Variants in FOXP2 observed in about 807,000 individuals in gnomAD.
The protein encoded by FOXP2 is forkhead box P2.
Under a neutral mutation model 115.8 loss-of-function variants are expected in FOXP2, and 12 were observed. The observed-to-expected ratio is 0.10, with a 90% CI of 0.07 to 0.17. The LOEUF is 0.17. Ranked by LOEUF, FOXP2 falls within the 10% of genes least tolerant of loss-of-function variation. The pLI is 1.00. For missense variants in FOXP2, 629 were observed against 843.5 expected (o/e 0.75, Z 3.15); for synonymous variants, 328 against 297.7 (o/e 1.10, Z -1.05).
chr7:114,655,498 A>G (rs888765799), intron 10 of FOXP2, among the ~76,000 whole-genome samples: 5 of 152,230 alleles, frequency 3.3e-5, no homozygotes, highest in Non-Finnish European at 7.4e-5. Context: ...ATGAAACCAC[A>G]GTTTAAAGTT....
At chr7:114,456,013 C>T (rs942949214) in intron 2 of FOXP2, among the ~76,000 whole-genome samples, 2 of 152,184 alleles carry the variant, frequency 1.3e-5, no homozygotes, top group African/African-American at 4.8e-5. Context: ...CTTAGTCATC[C>T]TTCAATGCAC....
chr7:114,629,948 GCAGCAGCAGCAA>G lies in FOXP2; in HGVS notation c.552_563del (p.Gln188_Gln191del), dbSNP rs1185806750. 5 of 1,607,410 alleles carry G rather than the reference GCAGCAGCAGCAA, an allele frequency of 3.1e-6. No homozygotes were observed. Among genetic ancestry groups the G allele is most frequent in the Non-Finnish European group, 4.2e-6 (5 of 1,177,928 alleles). On this transcript the variant is annotated inframe_deletion, in exon 5 of 17. Coordinates refer to ENST00000350908, the MANE Select transcript of FOXP2 (RefSeq NM_014491.4). The stretch of plus-strand genomic sequence containing the variant: ...AACAACAACAGCAGCAACAACAGCA[GCAGCAGCAGCAA>G]CAGCAGCAGCAGCAGCAACAGCATC...
chr7:114,526,377 C>T lies in FOXP2; in HGVS notation c.169-8240C>T, dbSNP rs1423094356. 1.8e-4 allele frequency among the ~76,000 whole-genome samples: 26 copies of T among 145,900 alleles called. No individual in the cohort carries two copies. In the East Asian group the frequency reaches 4.4e-3, roughly 25 times the overall value. On this transcript the variant is annotated intron_variant, in intron 2 of 16. Coordinates refer to ENST00000350908, the MANE Select transcript of FOXP2 (RefSeq NM_014491.4). ...CTGTAATCCCAGATACTCGGGAGGC[C>T]GAGGCAGGAGAATCACTTGAACCCA...
chr7:114,395,643 T>G (rs898170649), intron 2 of FOXP2, among the ~76,000 whole-genome samples: 4 of 152,132 alleles, frequency 2.6e-5, no homozygotes, highest in Non-Finnish European at 5.9e-5. Flanking sequence ...ATATTATTAC[T>G]AGTTTAACTT....
chr7:114,622,536 G>A (rs1162097860), intron 3 of FOXP2, among the ~76,000 whole-genome samples: 1 of 151,826 alleles, frequency 6.6e-6, no homozygotes, highest in Non-Finnish European at 1.5e-5. Flanking sequence ...GGAATGAATG[G>A]GCTAGTGTCT....
chr7:114,489,161 A>G (rs927233012), intron 2 of FOXP2, among the ~76,000 whole-genome samples: 2 of 152,154 alleles, frequency 1.3e-5, no homozygotes, highest in African/African-American at 2.4e-5. Flanking sequence ...CTATGATAAC[A>G]CCACATTTTT....
rs149123596 is a variant in FOXP2, at chr7:114,599,669, A to G, written c.259-28871A>G. Among the ~76,000 whole-genome samples, 588 of 152,280 alleles carry G rather than the reference A, an allele frequency of 3.9e-3. 6 individuals carry two copies. Among genetic ancestry groups the G allele is most frequent in the Middle Eastern group, 0.02 (6 of 294 alleles). On this transcript the variant is annotated intron_variant, in intron 3 of 16. Transcript: ENST00000350908. ...TTGGTTTTACAGTCCAAGAACAGGC[A>G]AACAAGTCCATCTTGCGTGTATCTG...
chr7:114,517,463 G>GT (rs1348278487), intron 2 of FOXP2, among the ~76,000 whole-genome samples: 2 of 152,100 alleles, frequency 1.3e-5, no homozygotes, highest in Non-Finnish European at 2.9e-5. Flanking sequence ...TTCTAGTGCA[G>GT]TTTTTTATCT....
chr7:114,109,683 T>A (rs1791215246), intron 1 of FOXP2, among the ~76,000 whole-genome samples: 1 of 152,134 alleles, frequency 6.6e-6, no homozygotes, highest in South Asian at 2.1e-4. Flanking sequence ...TAGCTTTTTC[T>A]TAGAACTTAT....
At chr7:114,371,270 G>C (rs950288587) in intron 2 of FOXP2, among the ~76,000 whole-genome samples, 1 of 137,842 alleles carries the variant, frequency 7.3e-6, no homozygotes, top group Non-Finnish European at 1.6e-5. Context: ...TTTTGTAGTA[G>C]CAATAAGGTT....
intron 2 of FOXP2, among the ~76,000 whole-genome samples, chr7:114,378,701 A>AAAAAAAAAAAAAAAAG (rs1554380027): frequency 3.5e-4 from 37 of 106,792 alleles, no homozygotes; most frequent in African/African-American, 3.9e-4. Flanking sequence ...AAAAAAAAAA[A>AAAAAAAAAAAAAAAAG]GGAAAAGAAA....
At chr7:114,135,414 G>A (rs1254817811) in intron 1 of FOXP2, among the ~76,000 whole-genome samples, 1 of 152,074 alleles carries the variant, frequency 6.6e-6, no homozygotes, top group Non-Finnish European at 1.5e-5. Flanking sequence ...TTTCATTGCT[G>A]TTGGCTGTGT....
At chr7:114,347,802 C>T (rs191260029) in intron 2 of FOXP2, among the ~76,000 whole-genome samples, 50 of 151,976 alleles carry the variant, frequency 3.3e-4, no homozygotes, top group African/African-American at 1.2e-3. Context: ...CTATAAATGC[C>T]TATTAAAATA....
In FOXP2 at chr7:114,488,541, T is replaced by C. The variant is rs567824362; in HGVS notation, c.169-46076T>C. Among the ~76,000 whole-genome samples, 21 of 152,290 alleles carry C rather than the reference T, an allele frequency of 1.4e-4. No homozygotes were observed. In the South Asian group the frequency reaches 1.7e-3, roughly 12 times the overall value. On this transcript the variant is annotated intron_variant, in intron 2 of 16. Coordinates refer to ENST00000350908, the MANE Select transcript of FOXP2 (RefSeq NM_014491.4). ...CATAGAGACCACAGGATTATAACAA[T>C]ATACAACTCATACAGATTTTAACTT...
In FOXP2 at chr7:114,367,532, TCTGA is replaced by T. The variant is rs1326344958; in HGVS notation, c.-10-58967_-10-58964del. 2.0e-5 allele frequency among the ~76,000 whole-genome samples: 3 copies of T among 152,220 alleles called. No individual in the cohort carries two copies. In the East Asian group the frequency reaches 5.8e-4, roughly 29 times the overall value. On this transcript the variant is annotated intron_variant, in intron 2 of 17. Coordinates refer to the FOXP2 transcript ENST00000634411. Reference sequence around the variant, plus strand: ...AATAATAAGTTACTAAATATCATCATCTGACTAATAGAACTATGAACTACAAAAC... The same window carrying T: ...AATAATAAGTTACTAAATATCATCATCTAATAGAACTATGAACTACAAAAC...
At chr7:114,392,260 A>G (rs895269084) in intron 2 of FOXP2, among the ~76,000 whole-genome samples, 2 of 152,240 alleles carry the variant, frequency 1.3e-5, no homozygotes, top group Non-Finnish European at 2.9e-5. Context: ...GTAGGCCAGT[A>G]TGCGTGGTTG....
intron 2 of FOXP2, among the ~76,000 whole-genome samples, chr7:114,308,428 C>T (rs992102459): frequency 7.9e-5 from 12 of 152,166 alleles, no homozygotes; most frequent in African/African-American, 2.2e-4. Flanking sequence ...TATCTAGAAA[C>T]GGTCAGAGTA....
chr7:114,429,258 A>C (rs1328562972), intron 2 of FOXP2, among the ~76,000 whole-genome samples: 1 of 151,496 alleles, frequency 6.6e-6, no homozygotes, highest in African/African-American at 2.4e-5. Flanking sequence ...TATTTCTACC[A>C]TTTAATTAAT....
At chr7:114,307,357 G>C (rs1270852570) in intron 2 of FOXP2, among the ~76,000 whole-genome samples, 6 of 152,146 alleles carry the variant, frequency 3.9e-5, no homozygotes, top group African/African-American at 1.4e-4. Context: ...GGACAGACTA[G>C]TAGGTCTTAT....
Sources: gnomAD v4.1 joint callset for allele counts (sites outside exome capture counted in the v4.1 genomes callset) on GRCh38, gnomAD v4.1.1 for gene constraint, MANE v1.5 for transcripts, NCBI Gene and HGNC (gene_info 2026-07-23, HGNC 2026-07-21) for gene names.